Variants in CFAP299 observed in about 807,000 individuals in gnomAD.
CFAP299 encodes the protein cilia- and flagella-associated protein 299.
A neutral mutation model predicts 27.0 loss-of-function variants in CFAP299; 21 were observed. That is an observed-to-expected ratio of 0.78 (90% CI 0.55 to 1.12). The LOEUF is 1.12. Ranked by LOEUF, CFAP299 falls within the 50% of genes most tolerant of loss-of-function variation. The probability of loss-of-function intolerance (pLI) is 0.00; values close to 1 mark genes in which losing one functional copy is unlikely to be tolerated. For synonymous variants in CFAP299, 104 were observed against 98.1 expected (o/e 1.06, Z -0.36); for missense variants, 310 against 276.6 (o/e 1.12, Z -0.86).
At chr4:80,384,932 TA>T (rs1724890736) in intron 2 of CFAP299, among the ~76,000 whole-genome samples, 2 of 152,178 alleles carry the variant, frequency 1.3e-5, no homozygotes, top group African/African-American at 4.8e-5. Flanking sequence ...ATCAACACAT[TA>T]AAAATTATAT....
At chr4:80,386,025 C>T (rs984567457) in intron 2 of CFAP299, among the ~76,000 whole-genome samples, 2 of 152,256 alleles carry the variant, frequency 1.3e-5, no homozygotes, top group African/African-American at 2.4e-5. Context: ...GGAAGGCGGC[C>T]ATGAGCCAAG....
chr4:80,709,135 T>A (rs1193404564), intron 3 of CFAP299, among the ~76,000 whole-genome samples: 1 of 152,208 alleles, frequency 6.6e-6, no homozygotes, highest in Non-Finnish European at 1.5e-5. Flanking sequence ...ATTTCTATAG[T>A]GAAAACCCTT....
intron 4 of CFAP299, among the ~76,000 whole-genome samples, chr4:80,930,584 T>C (rs2110218261): frequency 6.6e-6 from 1 of 152,252 alleles, no homozygotes; most frequent in South Asian, 2.1e-4. Context: ...GCTGCAAAAT[T>C]GCTTGCTTGC....
chr4:80,606,194 T>C (rs1577924154), intron 3 of CFAP299, among the ~76,000 whole-genome samples: 1 of 152,356 alleles, frequency 6.6e-6, no homozygotes, highest in Admixed American at 6.5e-5. Context: ...CAAGAGTCTC[T>C]TATAAGTCTT....
intron 3 of CFAP299, among the ~76,000 whole-genome samples, chr4:80,808,723 T>C (rs76924768): frequency 4.5e-4 from 69 of 152,242 alleles, no homozygotes; most frequent in African/African-American, 1.6e-3. Context: ...TTTTCAAGCA[T>C]CTCTTACATG....
chr4:80,376,453 G>T (rs1264044295), intron 2 of CFAP299, among the ~76,000 whole-genome samples: 3 of 152,092 alleles, frequency 2.0e-5, no homozygotes, highest in Non-Finnish European at 4.4e-5. Context: ...ACTGATTCGT[G>T]TGGCAGCTGT....
intron 3 of CFAP299, among the ~76,000 whole-genome samples, chr4:80,791,015 C>T (rs945263871): frequency 5.9e-5 from 9 of 152,104 alleles, no homozygotes; most frequent in African/African-American, 2.2e-4. Flanking sequence ...TAATGCCAAT[C>T]ATACATTTTC....
intron 3 of CFAP299, among the ~76,000 whole-genome samples, chr4:80,699,887 TCGTTGAAGCAGGGAAG>T (rs1721363090): frequency 6.6e-6 from 1 of 152,166 alleles, no homozygotes; most frequent in Non-Finnish European, 1.5e-5. Context: ...ATTGTGAATA[TCGTTGAAGCAGGGAAG>T]TAACTAATCA....
intron 3 of CFAP299, among the ~76,000 whole-genome samples, chr4:80,840,283 A>T (rs1298693907): frequency 2.6e-5 from 4 of 152,152 alleles, no homozygotes; most frequent in Non-Finnish European, 5.9e-5. Flanking sequence ...CTAAGGGTAC[A>T]TCTATCAAAA....
chr4:80,947,743 CTT>C (rs969219711), intron 5 of CFAP299, among the ~76,000 whole-genome samples: 15 of 152,058 alleles, frequency 9.9e-5, no homozygotes, highest in African/African-American at 3.6e-4. Flanking sequence ...TAGAAAGACA[CTT>C]ATATATTTTA....
At chr4:80,581,991 A>G (rs1736198250) in intron 2 of CFAP299, among the ~76,000 whole-genome samples, 1 of 151,828 alleles carries the variant, frequency 6.6e-6, no homozygotes, top group Non-Finnish European at 1.5e-5. Flanking sequence ...TATGTTTATT[A>G]TAATGTTAAC....
At chr4:80,395,569 T>TA (rs1025056590) in intron 2 of CFAP299, among the ~76,000 whole-genome samples, 15 of 152,116 alleles carry the variant, frequency 9.9e-5, no homozygotes, top group Non-Finnish European at 1.8e-4. Flanking sequence ...TGAGAGTTTT[T>TA]ATCATAAAAG....
At chr4:80,588,734 G>T (rs1736573737) in intron 3 of CFAP299, among the ~76,000 whole-genome samples, 1 of 143,750 alleles carries the variant, frequency 7.0e-6, no homozygotes, top group Non-Finnish European at 1.5e-5. Context: ...ACTTAATTAA[G>T]ACAATTAAAA....
intron 3 of CFAP299, among the ~76,000 whole-genome samples, chr4:80,658,401 A>T: frequency 6.6e-6 from 1 of 152,208 alleles, no homozygotes; most frequent in South Asian, 2.1e-4. Flanking sequence ...TTTGAGGTAC[A>T]TTCCATCAAT....
intron 4 of CFAP299, among the ~76,000 whole-genome samples, chr4:80,904,398 CCT>C (rs1441577416): frequency 1.3e-5 from 2 of 152,110 alleles, no homozygotes; most frequent in Non-Finnish European, 2.9e-5. Flanking sequence ...CACCCCAGGT[CCT>C]AGTCAGATTG....
At chr4:80,523,275 C>G (rs376115798) in intron 2 of CFAP299, among the ~76,000 whole-genome samples, 1 of 151,890 alleles carries the variant, frequency 6.6e-6, no homozygotes, top group Non-Finnish European at 1.5e-5. Flanking sequence ...CTTGGTTTCC[C>G]TTTTGGATTG....
intron 3 of CFAP299, among the ~76,000 whole-genome samples, chr4:80,690,660 A>C (rs1294681747): frequency 6.6e-6 from 1 of 152,238 alleles, no homozygotes; most frequent in African/African-American, 2.4e-5. Flanking sequence ...AAACACATTC[A>C]AAAGCTAACA....
Position 80,486,124 on chromosome 4 carries a change from A to G in CFAP299, c.243-96969A>G, listed in dbSNP as rs188698626. 7.5e-3 allele frequency among the ~76,000 whole-genome samples: 1,135 copies of G among 152,152 alleles called. 11 individuals are homozygous for G. Among genetic ancestry groups the G allele is most frequent in the Non-Finnish European group, 9.1e-3 (618 of 67,992 alleles). ...TTCTAACCTAGCCACATGAATGACT[A>G]TTAAGTTCTGCTTGCTTGGTCTTAA... On this transcript the variant is annotated intron_variant, in intron 2 of 5. Coordinates refer to ENST00000358105, the MANE Select transcript of CFAP299 (RefSeq NM_152770.3).
intron 2 of CFAP299, among the ~76,000 whole-genome samples, chr4:80,380,082 G>A (rs369901545): frequency 2.2e-4 from 34 of 151,976 alleles, no homozygotes; most frequent in African/African-American, 7.5e-4. Context: ...TTGATATTCT[G>A]ATGCTAGATA....
Sources: allele counts gnomAD v4.1 joint callset (sites outside exome capture counted in the v4.1 genomes callset), GRCh38; gene constraint gnomAD v4.1.1; transcripts MANE v1.5; gene names NCBI Gene and HGNC (gene_info 2026-07-23, HGNC 2026-07-21).